The following STAG1 variants were observed in gnomAD, a reference collection of about 807,000 sequenced individuals.
STAG1 encodes the protein cohesin subunit SA-1.
Under a neutral mutation model 170.9 loss-of-function variants are expected in STAG1, and 26 were observed. The observed-to-expected ratio is 0.15, with a 90% CI of 0.11 to 0.21. The LOEUF is 0.21. Among genes scored for constraint, STAG1 ranks in the 10% least tolerant of loss-of-function variants. The probability of loss-of-function intolerance (pLI) is 1.00; values close to 1 mark genes in which losing one functional copy is unlikely to be tolerated. For synonymous variants in STAG1, 514 were observed against 497.7 expected, an observed-to-expected ratio of 1.03 and a Z score of -0.44; for missense variants, 964 against 1,509.5, an observed-to-expected ratio of 0.64 and a Z score of 5.99.
intron 22 of STAG1, among the ~76,000 whole-genome samples, chr3:136,382,401 CTTTTT>C (rs1033807448): frequency 7.4e-6 from 1 of 134,596 alleles, no homozygotes; most frequent in Non-Finnish European, 1.6e-5. Context: ...CCAAGGCTTT[CTTTTT>C]TTTTTTTTTT....
intron 1 of STAG1, among the ~76,000 whole-genome samples, chr3:136,738,987 C>T (rs1300744660): frequency 6.6e-6 from 1 of 151,912 alleles, no homozygotes; most frequent in African/African-American, 2.4e-5. Context: ...ATGAGAAAAT[C>T]GAGGACTCCA....
At chr3:136,585,931 C>T (rs1461291821) in intron 4 of STAG1, among the ~76,000 whole-genome samples, 4 of 152,160 alleles carry the variant, frequency 2.6e-5, no homozygotes, top group Non-Finnish European at 5.9e-5. Flanking sequence ...TGAGAAACTG[C>T]ACAGGCATAT....
intron 12 of STAG1, among the ~76,000 whole-genome samples, chr3:136,472,030 G>A (rs757735111): frequency 2.6e-5 from 4 of 152,068 alleles, no homozygotes; most frequent in African/African-American, 9.7e-5. Flanking sequence ...TAGAGACAGG[G>A]TCTCCCCTTT....
At chr3:136,717,992 G>A (rs1932957110) in intron 1 of STAG1, among the ~76,000 whole-genome samples, 1 of 152,026 alleles carries the variant, frequency 6.6e-6, no homozygotes. Context: ...GATAGAAGGG[G>A]AGGAAAGCAC....
In STAG1 at chr3:136,443,294, T is replaced by C. The variant is rs1031788801; in HGVS notation, c.1539A>G (p.Gly513=). The C allele has an allele frequency of 6.2e-7, 1 of 1,606,596 alleles. No homozygotes were observed. Among genetic ancestry groups the C allele is most frequent in the African/African-American group, 1.3e-5 (1 of 74,820 alleles). Residue 513 remains glycine, a synonymous_variant, in exon 15 of 34, where the codon GGA becomes GGG. Transcript: ENST00000383202. The part of the protein sequence containing the change: ...TELLLEEPVQ[G]EEAMSDRQES... Reference sequence around the variant, plus strand: ...CTTGTCAAAATACTATACCTTCCTCTCCTTGAACAGGTTCTTCTAATAGCA... The same window carrying C: ...CTTGTCAAAATACTATACCTTCCTCCCCTTGAACAGGTTCTTCTAATAGCA...
intron 1 of STAG1, among the ~76,000 whole-genome samples, chr3:136,643,842 T>G (rs776057627): frequency 2.6e-4 from 39 of 152,302 alleles, no homozygotes; most frequent in Non-Finnish European, 5.0e-4. Context: ...GGAAAGATGT[T>G]TGTTTACTTA....
chr3:136,341,383 C>A, intron 31 of STAG1, 58 bp downstream of exon 31: 1 of 1,151,376 alleles, frequency 8.7e-7, no homozygotes, highest in Non-Finnish European at 1.3e-6. Flanking sequence ...AGTCATTTCA[C>A]AAAATGATGG....
chr3:136,559,996 A>G (rs990391925), intron 5 of STAG1, among the ~76,000 whole-genome samples: 16 of 152,324 alleles, frequency 1.1e-4, no homozygotes, highest in Middle Eastern at 3.4e-3. Flanking sequence ...GGACATAACA[A>G]CTTCCTGAAA....
In STAG1 at chr3:136,430,802, GACAGACAC is replaced by G. The variant is rs1438717272; in HGVS notation, c.1650+2746_1650+2753del. On this transcript the variant is annotated intron_variant, in intron 16 of 33. Transcript: ENST00000383202. ...AAATTAAGAGAAGGAAACAGACATA[GACAGACAC>G]ACACACACACACACACACACACACA... 1.0e-3 allele frequency among the ~76,000 whole-genome samples: 93 copies of G among 88,950 alleles called. 1 individual carries two copies. Among genetic ancestry groups the G allele is most frequent in the African/African-American group, 3.9e-3 (85 of 22,068 alleles). The allele number at this position is 88,950 out of a possible 152,430, so 58.4% of individuals were successfully genotyped here.
At chr3:136,409,711 T>C (rs1320336487) in intron 21 of STAG1, among the ~76,000 whole-genome samples, 1 of 152,138 alleles carries the variant, frequency 6.6e-6, no homozygotes, top group African/African-American at 2.4e-5. Context: ...TAGTTCATGA[T>C]GATGTATTAA....
chr3:136,585,366 C>T (rs1047706026), intron 4 of STAG1, among the ~76,000 whole-genome samples: 1 of 152,016 alleles, frequency 6.6e-6, no homozygotes, highest in Non-Finnish European at 1.5e-5. Context: ...CGTTGGAACC[C>T]GGGAGGCGGA....
At chr3:136,639,371 T>C (rs1940707999) in intron 1 of STAG1, among the ~76,000 whole-genome samples, 1 of 152,082 alleles carries the variant, frequency 6.6e-6, no homozygotes, top group African/African-American at 2.4e-5. Flanking sequence ...TTATGATTTT[T>C]AAAAACTACA....
At chr3:136,732,048 A>AC (rs1376741208) in intron 1 of STAG1, among the ~76,000 whole-genome samples, 1 of 152,140 alleles carries the variant, frequency 6.6e-6, no homozygotes, top group Non-Finnish European at 1.5e-5. Context: ...AATCTTGGAA[A>AC]CCAGCTATCT....
chr3:136,573,211 A>T (rs1937333453), intron 4 of STAG1, among the ~76,000 whole-genome samples: 1 of 151,536 alleles, frequency 6.6e-6, no homozygotes, highest in Non-Finnish European at 1.5e-5. Flanking sequence ...AAAAAAAAGA[A>T]TTAAACTTCA....
intron 13 of STAG1, among the ~76,000 whole-genome samples, chr3:136,463,901 A>C (rs951736099): frequency 6.8e-6 from 1 of 147,594 alleles, no homozygotes; most frequent in East Asian, 1.9e-4. Context: ...ATATACATAT[A>C]TACTTACATA....
At chr3:136,668,402 T>C (rs1941878089) in intron 1 of STAG1, among the ~76,000 whole-genome samples, 1 of 146,124 alleles carries the variant, frequency 6.8e-6, no homozygotes, top group Admixed American at 6.9e-5. Flanking sequence ...ATATATATTA[T>C]GTATAATATA....
intron 9 of STAG1, among the ~76,000 whole-genome samples, chr3:136,493,872 C>T (rs570628751): frequency 1.7e-4 from 26 of 152,188 alleles, no homozygotes; most frequent in African/African-American, 6.0e-4. Flanking sequence ...AAAACAACTA[C>T]AAAATATTAT....
At chr3:136,730,279 G>A (rs1460644882) in intron 1 of STAG1, among the ~76,000 whole-genome samples, 1 of 152,154 alleles carries the variant, frequency 6.6e-6, no homozygotes. Flanking sequence ...GCCAACATTT[G>A]AAATTGAAGG....
At chr3:136,622,437 G>T (rs1329261372) in intron 3 of STAG1, among the ~76,000 whole-genome samples, 1 of 152,028 alleles carries the variant, frequency 6.6e-6, no homozygotes, top group Non-Finnish European at 1.5e-5. Flanking sequence ...AGGAGGAGGG[G>T]TGATGAGATG....
Sources: gnomAD v4.1 joint callset for allele counts (sites outside exome capture counted in the v4.1 genomes callset) on GRCh38, gnomAD v4.1.1 for gene constraint, MANE v1.5 for transcripts, NCBI Gene and HGNC (gene_info 2026-07-23, HGNC 2026-07-21) for gene names.